KHDRBS2: variants seen among roughly 807,000 people sequenced by gnomAD.
The protein encoded by KHDRBS2 is KH domain-containing, RNA-binding, signal transduction-associated protein 2.
Under a neutral mutation model 44.3 loss-of-function variants are expected in KHDRBS2, and 26 were observed. The observed-to-expected ratio is 0.59, with a 90% CI of 0.43 to 0.81. The LOEUF is 0.81. KHDRBS2 is among the 40% of genes least tolerant of loss of function. KHDRBS2 has a pLI of 0.00. For synonymous variants in KHDRBS2, 194 were observed against 151.1 expected (o/e 1.28, Z -2.08); for missense variants, 476 against 433.1 (o/e 1.10, Z -0.88).
chr6:61,859,266 T>A (rs2127293599), intron 6 of KHDRBS2, among the ~76,000 whole-genome samples: 1 of 152,000 alleles, frequency 6.6e-6, no homozygotes, highest in African/African-American at 2.4e-5. Context: ...CTGCCAACTG[T>A]TTAATTTTTA....
At chr6:62,030,435 G>A (rs1309320811) in intron 3 of KHDRBS2, among the ~76,000 whole-genome samples, 1 of 151,988 alleles carries the variant, frequency 6.6e-6, no homozygotes, top group Admixed American at 6.6e-5. Flanking sequence ...AATTGATGCA[G>A]ATGGCTTCAT....
At chr6:61,837,359 G>A (rs1488065718) in intron 6 of KHDRBS2, among the ~76,000 whole-genome samples, 1 of 151,938 alleles carries the variant, frequency 6.6e-6, no homozygotes, top group Non-Finnish European at 1.5e-5. Context: ...GGTCTCTGAA[G>A]ACCATATCTT....
chr6:61,658,710 A>G, the KHDRBS2 span, among the ~76,000 whole-genome samples: 1 of 151,934 alleles, frequency 6.6e-6, no homozygotes, highest in Non-Finnish European at 1.5e-5. Context: ...GTTAAGAACC[A>G]CTGTTCAGAT....
chr6:61,987,544 T>G (rs1179648181), intron 3 of KHDRBS2, among the ~76,000 whole-genome samples: 1 of 152,182 alleles, frequency 6.6e-6, no homozygotes, highest in Non-Finnish European at 1.5e-5. Flanking sequence ...TAAATCTTCT[T>G]CAGAAATAAA....
intron 3 of KHDRBS2, among the ~76,000 whole-genome samples, chr6:62,028,819 G>A (rs186186503): frequency 9.2e-5 from 14 of 152,186 alleles, no homozygotes; most frequent in African/African-American, 3.4e-4. Flanking sequence ...CAATTTCAGA[G>A]AAAGTGAAAA....
chr6:62,140,118 A>G (rs1812476279), intron 2 of KHDRBS2, among the ~76,000 whole-genome samples: 1 of 152,236 alleles, frequency 6.6e-6, no homozygotes, highest in African/African-American at 2.4e-5. Flanking sequence ...TATTTTGCTT[A>G]AGCTCCTAGA....
chr6:61,849,183 C>T lies in KHDRBS2; in HGVS notation c.810+45452G>A, dbSNP rs562930776. Among the ~76,000 whole-genome samples the T allele has an allele frequency of 3.4e-4, 52 of 152,100 alleles. No homozygotes were observed. The South Asian group carries it at 5.8e-3, about 17-fold the overall frequency. ...AGAAATTAACCAGTTTGTATCTTAT[C>T]CTAATATTTCTTGTTAAATCGACTA... On this transcript the variant is annotated intron_variant, in intron 6 of 8. Transcript: ENST00000281156.
chr6:62,125,607 G>A (rs1466175030), intron 2 of KHDRBS2, among the ~76,000 whole-genome samples: 2 of 152,144 alleles, frequency 1.3e-5, no homozygotes, highest in Non-Finnish European at 1.5e-5. Flanking sequence ...AGAGAGGAGA[G>A]GGAAGAGTAA....
chr6:62,132,225 T>C (rs1810494708), intron 2 of KHDRBS2, among the ~76,000 whole-genome samples: 1 of 152,188 alleles, frequency 6.6e-6, no homozygotes, highest in South Asian at 2.1e-4. Context: ...TTAAACCTTA[T>C]TTTGCTTAAA....
intron 4 of KHDRBS2, among the ~76,000 whole-genome samples, chr6:61,925,880 A>C (rs1293357619): frequency 6.6e-6 from 1 of 152,142 alleles, no homozygotes; most frequent in Non-Finnish European, 1.5e-5. Context: ...GCATTATGGA[A>C]CATTTATTGA....
chr6:62,137,804 C>A (rs1811895276), intron 2 of KHDRBS2, among the ~76,000 whole-genome samples: 1 of 152,140 alleles, frequency 6.6e-6, no homozygotes, highest in Admixed American at 6.5e-5. Flanking sequence ...TACCACTTTA[C>A]AAACTTTGAT....
the KHDRBS2 span, among the ~76,000 whole-genome samples, chr6:61,569,187 T>A: frequency 6.6e-6 from 1 of 151,744 alleles, no homozygotes; most frequent in Non-Finnish European, 1.5e-5. Context: ...GGAACATAAC[T>A]CCATGGGTCT....
At chr6:62,257,342 T>C (rs74611101) in intron 1 of KHDRBS2, among the ~76,000 whole-genome samples, 1 of 152,148 alleles carries the variant, frequency 6.6e-6, no homozygotes, top group South Asian at 2.1e-4. Context: ...ACATAACCAG[T>C]GCTATACACA....
intron 6 of KHDRBS2, among the ~76,000 whole-genome samples, chr6:61,892,837 C>T (rs1045074476): frequency 2.0e-5 from 3 of 152,148 alleles, no homozygotes; most frequent in Non-Finnish European, 2.9e-5. Context: ...AGGACATAGG[C>T]ATGGGCAAGG....
chr6:62,240,188 T>C (rs899096110), intron 1 of KHDRBS2, among the ~76,000 whole-genome samples: 5 of 152,146 alleles, frequency 3.3e-5, no homozygotes, highest in Non-Finnish European at 7.4e-5. Flanking sequence ...AATATTGGTT[T>C]ATTTATCTAT....
At chr6:61,824,334 T>C (rs1186569700) in intron 6 of KHDRBS2, among the ~76,000 whole-genome samples, 1 of 151,974 alleles carries the variant, frequency 6.6e-6, no homozygotes, top group African/African-American at 2.4e-5. Context: ...TCTCACAAAA[T>C]GGGGTTGTTT....
At chr6:61,581,401 T>C in the KHDRBS2 span, among the ~76,000 whole-genome samples, 1 of 151,810 alleles carries the variant, frequency 6.6e-6, no homozygotes, top group African/African-American at 2.4e-5. Flanking sequence ...TTAAGCAATA[T>C]ATGGCTAAAT....
chr6:61,729,274 T>TA, intron 7 of KHDRBS2, among the ~76,000 whole-genome samples: 1 of 152,046 alleles, frequency 6.6e-6, no homozygotes, highest in East Asian at 1.9e-4. Context: ...GGGAGCTAAA[T>TA]GATGAGAACA....
At chr6:62,085,520 G>T (rs1396541755) in intron 2 of KHDRBS2, among the ~76,000 whole-genome samples, 1 of 151,980 alleles carries the variant, frequency 6.6e-6, no homozygotes, top group South Asian at 2.1e-4. Flanking sequence ...AAAATCCAAG[G>T]TCTTTAATAT....
Sources: gnomAD v4.1 joint callset for allele counts (sites outside exome capture counted in the v4.1 genomes callset) on GRCh38, gnomAD v4.1.1 for gene constraint, MANE v1.5 for transcripts, NCBI Gene and HGNC (gene_info 2026-07-23, HGNC 2026-07-21) for gene names.